The following DOCK3 variants were observed in gnomAD, a reference collection of about 807,000 sequenced individuals.
DOCK3 encodes dedicator of cytokinesis protein 3.
In DOCK3, 60 loss-of-function variants were observed where a neutral mutation model predicts 265.6. That is an observed-to-expected ratio of 0.23 (90% confidence interval 0.18 to 0.28). The LOEUF (loss-of-function observed/expected upper bound fraction) is 0.28. DOCK3 is among the 10% of genes least tolerant of loss of function. DOCK3 has a pLI of 1.00. For missense variants in DOCK3, 1,981 were observed against 2,594.3 expected (o/e 0.76, Z 5.14); for synonymous variants, 881 against 938.0 (o/e 0.94, Z 1.11).
At chr3:50,984,084 C>T (rs1245724832) in intron 5 of DOCK3, among the ~76,000 whole-genome samples, 1 of 151,822 alleles carries the variant, frequency 6.6e-6, no homozygotes, top group African/African-American at 2.4e-5. Flanking sequence ...CTTGCTCACA[C>T]ACCCCTTGCC....
intron 1 of DOCK3, among the ~76,000 whole-genome samples, chr3:50,741,865 G>C (rs1559578296): frequency 1.3e-5 from 2 of 152,172 alleles, no homozygotes; most frequent in Non-Finnish European, 2.9e-5. Context: ...CTTCCACAAG[G>C]GTTGAACTAG....
intron 7 of DOCK3, among the ~76,000 whole-genome samples, chr3:51,088,037 G>A (rs149228991): frequency 6.6e-6 from 1 of 152,238 alleles, no homozygotes; most frequent in Admixed American, 6.5e-5. Flanking sequence ...AGAAAATGTG[G>A]CATATATGCA....
chr3:51,342,867 G>T (rs1425026920), intron 38 of DOCK3, among the ~76,000 whole-genome samples: 1 of 152,120 alleles, frequency 6.6e-6, no homozygotes, highest in Non-Finnish European at 1.5e-5. Flanking sequence ...CTGCAATCCT[G>T]CCTTTGCCCT....
At chr3:50,801,126 A>G (rs1427784889) in intron 2 of DOCK3, among the ~76,000 whole-genome samples, 3 of 152,094 alleles carry the variant, frequency 2.0e-5, no homozygotes, top group South Asian at 2.1e-4. Flanking sequence ...CAGCAAGGCA[A>G]TTTACTTCTA....
intron 5 of DOCK3, among the ~76,000 whole-genome samples, chr3:50,950,291 T>G (rs557510112): frequency 2.0e-5 from 3 of 152,166 alleles, no homozygotes; most frequent in Non-Finnish European, 4.4e-5. Context: ...GACTCTTGCT[T>G]TTGTTCACTT....
intron 33 of DOCK3, 48 bp from the exon 34 acceptor site, chr3:51,332,953 T>C: frequency 6.2e-7 from 1 of 1,613,052 alleles, no homozygotes. Flanking sequence ...CATTTGTTGC[T>C]GCCAGTTCAG....
intron 2 of DOCK3, among the ~76,000 whole-genome samples, chr3:50,822,595 C>G (rs1275633021): frequency 6.6e-6 from 1 of 152,014 alleles, no homozygotes; most frequent in African/African-American, 2.4e-5. Flanking sequence ...CTTCTGGGCT[C>G]AAATGATCCT....
intron 32 of DOCK3, among the ~76,000 whole-genome samples, chr3:51,322,256 G>A (rs1419521598): frequency 6.6e-6 from 1 of 152,190 alleles, no homozygotes; most frequent in Non-Finnish European, 1.5e-5. Flanking sequence ...AGGCTGGAGT[G>A]CAGTGGTGCA....
intron 5 of DOCK3, among the ~76,000 whole-genome samples, chr3:51,012,756 A>C (rs762909526): frequency 4.6e-5 from 7 of 152,284 alleles, no homozygotes; most frequent in South Asian, 2.1e-4. Context: ...GGAGCTGTAG[A>C]CTGGAGTTGT....
chr3:50,864,651 C>A (rs113675353), intron 3 of DOCK3, among the ~76,000 whole-genome samples: 12 of 151,916 alleles, frequency 7.9e-5, no homozygotes, highest in African/African-American at 2.7e-4. Context: ...TAGTTTGGTT[C>A]TTCTGCATAG....
chr3:50,694,710 C>T (rs560146296), intron 1 of DOCK3, among the ~76,000 whole-genome samples: 30 of 152,266 alleles, frequency 2.0e-4, no homozygotes, highest in African/African-American at 6.3e-4. Flanking sequence ...ACTTGGGAGG[C>T]TGAGGTATGA....
intron 5 of DOCK3, among the ~76,000 whole-genome samples, chr3:50,987,133 A>C (rs982820318): frequency 1.3e-5 from 2 of 152,088 alleles, no homozygotes; most frequent in Non-Finnish European, 2.9e-5. Context: ...GTTCTTAATT[A>C]CTGTTTCCTT....
intron 9 of DOCK3, among the ~76,000 whole-genome samples, chr3:51,117,916 A>G (rs1441389137): frequency 6.6e-6 from 1 of 151,998 alleles, no homozygotes; most frequent in Non-Finnish European, 1.5e-5. Context: ...CAGCTCCTGG[A>G]TTCATTGATT....
intron 32 of DOCK3, among the ~76,000 whole-genome samples, chr3:51,319,034 CTCT>C: frequency 6.6e-6 from 1 of 152,118 alleles, no homozygotes; most frequent in East Asian, 1.9e-4. Context: ...CTCTATATAT[CTCT>C]TATTTTTCTT....
rs144315433 is a variant in DOCK3, at chr3:51,176,339, A to G, written c.1037+15637A>G. ...TGGCATGAAAGAATGGTTGCTGGCC[A>G]GGCGTGGTGGCTCACGCCTGTAATC... is the stretch of plus-strand genomic sequence containing the variant. On this transcript the variant is annotated intron_variant, in intron 12 of 52. Coordinates refer to ENST00000266037, the MANE Select transcript of DOCK3 (RefSeq NM_004947.5). Among the ~76,000 whole-genome samples the G allele has an allele frequency of 3.8e-3, 577 of 152,286 alleles. 2 individuals are homozygous for G. The highest frequency in any genetic ancestry group is 9.5e-3 in the Admixed American group (146 of 15,296).
At chr3:50,965,518 T>C (rs2077002109) in intron 5 of DOCK3, among the ~76,000 whole-genome samples, 1 of 152,066 alleles carries the variant, frequency 6.6e-6, no homozygotes, top group African/African-American at 2.4e-5. Context: ...TTTATGCCAA[T>C]AAATTTGACG....
At position 51,228,678 on chromosome 3, in the gene DOCK3, G is replaced by A. The variant is rs370307588; in HGVS notation, c.1665G>A (p.Thr555=). 30 of 1,613,660 alleles carry A rather than the reference G, an allele frequency of 1.9e-5. No individual in the cohort carries two copies. In the African/African-American group the frequency reaches 3.5e-4, roughly 19 times the overall value. ...GCCTACAGTGTGATGAGAATAGCAC[G>A]TTTAATAACCATGCTCTGTACCTGG... The part of the protein sequence containing the change: ...LYVYKCDENS[T]FNNHALYLGL... Residue 555 remains threonine (T), a synonymous_variant, in exon 18 of 53, where the codon ACG becomes ACA. Coordinates refer to ENST00000266037, the MANE Select transcript of DOCK3 (RefSeq NM_004947.5).
intron 5 of DOCK3, among the ~76,000 whole-genome samples, chr3:50,960,461 T>C (rs1316045615): frequency 1.3e-5 from 2 of 152,190 alleles, no homozygotes; most frequent in Non-Finnish European, 1.5e-5. Flanking sequence ...ATTTTCAGCA[T>C]CTTGTCAGTA....
chr3:50,810,138 A>G (rs1198184418), intron 2 of DOCK3, among the ~76,000 whole-genome samples: 1 of 152,148 alleles, frequency 6.6e-6, no homozygotes, highest in Non-Finnish European at 1.5e-5. Context: ...CTGTCTCAAA[A>G]AAATCTTTTT....
Sources: gnomAD v4.1 joint callset for allele counts (sites outside exome capture counted in the v4.1 genomes callset) on GRCh38, gnomAD v4.1.1 for gene constraint, MANE v1.5 for transcripts, NCBI Gene and HGNC (gene_info 2026-07-23, HGNC 2026-07-21) for gene names.